MLF1: variants seen among roughly 807,000 people sequenced by gnomAD.
MLF1 encodes myelodysplasia-myeloid leukemia factor 1.
A neutral mutation model predicts 38.3 loss-of-function variants in MLF1; 37 were observed. That is an observed-to-expected ratio of 0.96 (90% CI 0.74 to 1.27). The LOEUF is 1.27. Ranked by LOEUF, MLF1 falls within the 50% of genes most tolerant of loss-of-function variation. The pLI, the probability that MLF1 is intolerant of heterozygous loss-of-function variation, is 0.00. For missense variants in MLF1, 331 were observed against 349.2 expected (o/e 0.95, Z 0.42); for synonymous variants, 95 against 106.5 (o/e 0.89, Z 0.66).
intron 1 of MLF1, among the ~76,000 whole-genome samples, chr3:158,573,874 G>C (rs1172688582): frequency 6.6e-6 from 1 of 152,064 alleles, no homozygotes; most frequent in Admixed American, 6.5e-5. Flanking sequence ...GGTTGCTCTC[G>C]GCTCACTGCA....
At chr3:158,586,271 AT>A (rs576438645) in intron 1 of MLF1, among the ~76,000 whole-genome samples, 46 of 152,200 alleles carry the variant, frequency 3.0e-4, no homozygotes, top group Middle Eastern at 6.8e-3. Flanking sequence ...CATTAAAAAA[AT>A]ATATATAAAA....
At chr3:158,597,099 A>G (rs1718992428) in intron 4 of MLF1, among the ~76,000 whole-genome samples, 154 bp downstream of exon 4, 1 of 152,106 alleles carries the variant, frequency 6.6e-6, no homozygotes, top group Non-Finnish European at 1.5e-5. Context: ...TTATAAATAT[A>G]TTTGAAGCAA....
At chr3:158,574,235 C>A (rs927355435) in intron 1 of MLF1, among the ~76,000 whole-genome samples, 1 of 151,968 alleles carries the variant, frequency 6.6e-6, no homozygotes, top group African/African-American at 2.4e-5. Flanking sequence ...AAATTTTTTT[C>A]TGAAGATTAT....
chr3:158,583,675 T>G (rs1716769008), intron 1 of MLF1, among the ~76,000 whole-genome samples: 1 of 152,176 alleles, frequency 6.6e-6, no homozygotes. Flanking sequence ...TCCCCCCTAA[T>G]TCAATTCCGT....
chr3:158,575,740 G>A (rs1715326606), intron 1 of MLF1, among the ~76,000 whole-genome samples: 1 of 152,056 alleles, frequency 6.6e-6, no homozygotes, highest in Admixed American at 6.6e-5. Flanking sequence ...CTTTCTTGTA[G>A]TCAATCTGGT....
At chr3:158,592,916 C>T (rs1718372330) in intron 2 of MLF1, among the ~76,000 whole-genome samples, 1 of 152,094 alleles carries the variant, frequency 6.6e-6, no homozygotes, top group African/African-American at 2.4e-5. Flanking sequence ...AATATCCTTT[C>T]TCTCCCATAC....
chr3:158,584,414 G>A (rs1716885148), intron 1 of MLF1, among the ~76,000 whole-genome samples: 1 of 152,058 alleles, frequency 6.6e-6, no homozygotes, highest in African/African-American at 2.4e-5. Context: ...AACTCTGGAG[G>A]AATATATCAA....
At chr3:158,583,084 C>T (rs1209442495) in intron 1 of MLF1, among the ~76,000 whole-genome samples, 2 of 152,146 alleles carry the variant, frequency 1.3e-5, no homozygotes, top group African/African-American at 4.8e-5. Flanking sequence ...ATATCCCGGC[C>T]TTAAGTCTGC....
Position 158,598,213 on chromosome 3 carries a change from G to GT in MLF1, c.453+9dup. 6.2e-7 allele frequency: 1 copy of GT among 1,604,738 alleles called. No individual in the cohort carries two copies. Among genetic ancestry groups the GT allele is most frequent in the Non-Finnish European group, 8.5e-7 (1 of 1,175,726 alleles). On this transcript the variant is annotated splice_donor_region_variant and intron_variant, in intron 5 of 7. Coordinates refer to ENST00000466246, the MANE Select transcript of MLF1 (RefSeq NM_001369783.1). ...ACTCGTCGAGCTCCAGGAGGAGTAA[G>GT]TTTTCTATAAGCATTCCTAAAGTTT... is the stretch of plus-strand genomic sequence containing the variant.
At chr3:158,585,936 T>C (rs1218916793) in intron 1 of MLF1, among the ~76,000 whole-genome samples, 1 of 152,052 alleles carries the variant, frequency 6.6e-6, no homozygotes, top group African/African-American at 2.4e-5. Context: ...CTGAGGTGGA[T>C]GGATTGCCTG....
intron 1 of MLF1, among the ~76,000 whole-genome samples, chr3:158,588,191 T>A (rs143206153): frequency 1.3e-5 from 2 of 152,200 alleles, no homozygotes; most frequent in East Asian, 3.9e-4. Flanking sequence ...GGAAGTGGAT[T>A]CTCCACCAGT....
intron 1 of MLF1, 178 bp downstream of exon 1, chr3:158,571,525 G>T: frequency 1.4e-6 from 1 of 724,334 alleles, no homozygotes. Context: ...AGGATTTAGG[G>T]GTGTGTGAGA....
At chr3:158,573,414 G>GGGGGGGGT (rs1714883485) in intron 1 of MLF1, 1 of 83,702 alleles carries the variant, frequency 1.2e-5, no homozygotes, top group African/African-American at 4.8e-5. Context: ...GGGGGGGGGG[G>GGGGGGGGT]TGTGTATTTA....
chr3:158,588,168 T>C (rs557581947), intron 1 of MLF1, among the ~76,000 whole-genome samples: 102 of 152,232 alleles, frequency 6.7e-4, no homozygotes, highest in African/African-American at 2.0e-3. Flanking sequence ...CCAATAGCTG[T>C]GTGAAGGAAC....
At chr3:158,603,881 T>G (rs1002393441) in intron 7 of MLF1, among the ~76,000 whole-genome samples, 1 of 152,140 alleles carries the variant, frequency 6.6e-6, no homozygotes, top group Non-Finnish European at 1.5e-5. Flanking sequence ...AAATACATTT[T>G]GTACATACTC....
chr3:158,597,981 C>T, intron 4 of MLF1, 99 bp from the exon 5 acceptor site: 1 of 1,255,654 alleles, frequency 8.0e-7, no homozygotes, highest in African/African-American at 1.5e-5. Flanking sequence ...GTTTAGTATC[C>T]TTAGTAGAAC....
chr3:158,588,611 A>C (rs1378413598), intron 1 of MLF1, among the ~76,000 whole-genome samples: 38 of 98,184 alleles, frequency 3.9e-4, no homozygotes, highest in African/African-American at 7.9e-4. Context: ...AAAAAAAAAA[A>C]AAAAAAAAAA....
At chr3:158,586,329 C>A (rs1414876165) in intron 1 of MLF1, among the ~76,000 whole-genome samples, 1 of 151,476 alleles carries the variant, frequency 6.6e-6, no homozygotes, top group Non-Finnish European at 1.5e-5. Flanking sequence ...AGAATGAGAA[C>A]CAGATTGTCA....
At chr3:158,597,010 G>A in intron 4 of MLF1, 65 bp downstream of exon 4, 1 of 1,048,212 alleles carries the variant, frequency 9.5e-7, no homozygotes, top group Non-Finnish European at 1.4e-6. Flanking sequence ...TTTCATAGTG[G>A]CTTTCAAACA....
Sources: gnomAD v4.1 joint callset for allele counts (sites outside exome capture counted in the v4.1 genomes callset) on GRCh38, gnomAD v4.1.1 for gene constraint, MANE v1.5 for transcripts, NCBI Gene and HGNC (gene_info 2026-07-23, HGNC 2026-07-21) for gene names.